The following NLRP3 variants were observed in gnomAD, a reference collection of about 807,000 sequenced individuals.
NLRP3 encodes the protein NLR family pyrin domain containing 3.
NLRP3 carries 48 observed loss-of-function variants against 91.3 expected under a neutral mutation model. The observed-to-expected ratio is 0.53, with a 90% confidence interval of 0.42 to 0.67. NLRP3 has a LOEUF of 0.67. NLRP3 is among the 30% of genes least tolerant of loss of function. NLRP3 has a pLI of 0.00. For synonymous variants in NLRP3, 561 were observed against 507.9 expected, an observed-to-expected ratio of 1.10 and a Z score of -1.41; for missense variants, 982 against 1,276.9, an observed-to-expected ratio of 0.77 and a Z score of 3.52.
chr1:247,446,711 G>A (rs1294204492), intron 9 of NLRP3, among the ~76,000 whole-genome samples: 1 of 152,122 alleles, frequency 6.6e-6, no homozygotes, highest in Non-Finnish European at 1.5e-5. Context: ...CTCCTCTGCA[G>A]TGTAGCACAT....
intron 5 of NLRP3, among the ~76,000 whole-genome samples, chr1:247,433,112 C>T (rs1049796311): frequency 1.3e-5 from 2 of 152,014 alleles, no homozygotes; most frequent in African/African-American, 4.8e-5. Flanking sequence ...GAGGCTGAGG[C>T]AGGTGGATCC....
At position 247,436,033 on chromosome 1, in the gene NLRP3, C is replaced by T. The variant is rs778453163; in HGVS notation, c.2556C>T (p.Ser852=). The change falls in exon 7 of 10, where the codon AGC becomes AGT. Residue 852 remains serine, a synonymous_variant. Coordinates refer to ENST00000336119, the MANE Select transcript of NLRP3 (RefSeq NM_001243133.2). ...CQDLASVLST[S]HSLTRLYVGE... ...ATCTTGCATCAGTATTGAGCACCAG[C>T]CATTCCCTGACCAGACTCTATGTGG... 17 of 1,613,992 alleles carry T rather than the reference C, an allele frequency of 1.1e-5. No individual in the cohort carries two copies. The highest frequency in any genetic ancestry group is 1.4e-5 in the Non-Finnish European group (17 of 1,180,018).
intron 4 of NLRP3, among the ~76,000 whole-genome samples, chr1:247,428,990 T>G (rs1199882358): frequency 6.6e-6 from 1 of 151,842 alleles, no homozygotes; most frequent in African/African-American, 2.4e-5. Context: ...CCTCCCAGGT[T>G]CAAGTGATTC....
chr1:247,423,249 T>C lies in NLRP3; in HGVS notation c.297T>C (p.Val99=), dbSNP rs769171826. Residue 99 remains valine (V), a synonymous_variant, in exon 3 of 10, where the codon GTT becomes GTC. Transcript: ENST00000336119. ...EPKWGSDNAR[V]SNPTVICQED... ...TTTTAGGTTCAGATAATGCACGTGT[T>C]TCGAATCCCACTGTGATATGCCAGG... 1.2e-6 allele frequency: 2 copies of C among 1,614,158 alleles called. No homozygotes were observed. The highest frequency in any genetic ancestry group is 3.3e-5 in the Admixed American group (2 of 60,030).
intron 7 of NLRP3, among the ~76,000 whole-genome samples, chr1:247,439,087 T>C (rs1664024953): frequency 8.9e-6 from 1 of 112,974 alleles, no homozygotes; most frequent in Non-Finnish European, 2.0e-5. Context: ...TATCAGAGCT[T>C]TGTGAACATA....
At chr1:247,436,238 G>A in intron 7 of NLRP3, 98 bp downstream of exon 7, 1 of 1,195,692 alleles carries the variant, frequency 8.4e-7, no homozygotes, top group African/African-American at 1.5e-5. Flanking sequence ...AGGCAGAGCT[G>A]AAGGTAGAGT....
chr1:247,448,715 G>C lies in NLRP3; in HGVS notation c.*211G>C, dbSNP rs941488820. ...AGGGTGAGGAAGACACCAGGACAAT[G>C]ACAGCATCGGGTGTTGTTGTCATCA... On this transcript the variant is annotated 3_prime_UTR_variant, in exon 10 of 10. Coordinates refer to ENST00000336119, the MANE Select transcript of NLRP3 (RefSeq NM_001243133.2). 4 of 611,192 alleles carry C rather than the reference G, an allele frequency of 6.5e-6. No individual in the cohort carries two copies. The highest frequency in any genetic ancestry group is 5.9e-6 in the Non-Finnish European group (2 of 338,304). The allele number at this position is 611,192 out of a possible 1,614,324, so 37.9% of individuals were successfully genotyped here. A position where few individuals can be genotyped will look rare whatever the true frequency, so the allele number is the denominator to read the frequency against.
In NLRP3 at chr1:247,447,974, T is replaced by C. The variant is rs114947442; in HGVS notation, c.3006-431T>C. ...GCTTAACATTTTCCCAACTAGATAG[T>C]TAAAAATATAACAGGAACCACATTG... On this transcript the variant is annotated intron_variant, in intron 9 of 9. Coordinates refer to ENST00000336119, the MANE Select transcript of NLRP3 (RefSeq NM_001243133.2). Among the ~76,000 whole-genome samples, 368 of 152,152 alleles carry C rather than the reference T, an allele frequency of 2.4e-3. 3 individuals carry two copies. The highest frequency in any genetic ancestry group is 8.5e-3 in the African/African-American group (352 of 41,510).
At position 247,424,934 on chromosome 1, in the gene NLRP3, G is replaced by T. The variant is rs373973057; in HGVS notation, c.1485G>T (p.Ala495=). ...SDLRNHGLQK[A]DVSAFLRMNL... is the part of the protein sequence containing the mutation. Reference sequence around the variant, plus strand: ...TCAGGAATCATGGACTGCAGAAGGCGGATGTGTCTGCTTTCCTGAGGATGA... The same window carrying T: ...TCAGGAATCATGGACTGCAGAAGGCTGATGTGTCTGCTTTCCTGAGGATGA... The change falls in exon 4 of 10, where the codon GCG becomes GCT. Residue 495 remains alanine, a synonymous_variant. Transcript: ENST00000336119. This position sits in a 1 kb window ranked among gnomAD's most constrained non-coding sequence, Gnocchi z 8.1. 6.2e-7 allele frequency: 1 copy of T among 1,613,584 alleles called. No homozygotes were observed. Among genetic ancestry groups the T allele is most frequent in the African/African-American group, 1.3e-5 (1 of 74,900 alleles).
rs140618467 is a variant in NLRP3, at chr1:247,436,087, C to T, written c.2610C>T (p.Val870=). Residue 870 remains valine, a synonymous_variant, in exon 7 of 10, where the codon GTC becomes GTT. Coordinates refer to ENST00000336119, the MANE Select transcript of NLRP3 (RefSeq NM_001243133.2). ...AGAATGCCTTGGGAGACTCAGGAGT[C>T]GCAATTTTATGTGAAAAAGCCAAGA... is the stretch of plus-strand genomic sequence containing the variant. ...VGENALGDSG[V]AILCEKAKNP... 3.0e-5 allele frequency: 49 copies of T among 1,613,954 alleles called. No homozygotes were observed. The highest frequency in any genetic ancestry group is 8.9e-5 in the East Asian group (4 of 44,888).
rs1662832462 is a variant in NLRP3 at position 247,425,789 on chromosome 1, T to G, written c.2150+190T>G. On this transcript the variant is annotated intron_variant, in intron 4 of 9. Transcript: ENST00000336119. This position sits in a 1 kb window ranked among gnomAD's most constrained non-coding sequence, Gnocchi z 4.1. ...ATGTATGGTAGGTGGATAAATGGGA[T>G]GAGGAAAAAAAAAATAAAACAAGGA... 11 of 615,412 alleles carry G rather than the reference T, an allele frequency of 1.8e-5. No individual in the cohort carries two copies. The highest frequency in any genetic ancestry group is 3.2e-5 in the Non-Finnish European group (11 of 349,098). The allele number at this position is 615,412 out of a possible 1,614,324, so 38.1% of individuals were successfully genotyped here. A position where few individuals can be genotyped will look rare whatever the true frequency, so the allele number is the denominator to read the frequency against.
At chr1:247,429,440 G>T in intron 4 of NLRP3, 145 bp from the exon 5 acceptor site, 1 of 856,974 alleles carries the variant, frequency 1.2e-6, no homozygotes. Flanking sequence ...TCATTTCTCT[G>T]GGAACAATTT....
intron 6 of NLRP3, 56 bp downstream of exon 6, chr1:247,434,329 C>G: frequency 6.3e-7 from 1 of 1,597,904 alleles, no homozygotes; most frequent in South Asian, 1.1e-5. Flanking sequence ...GCTGCGCACT[C>G]TGGCTTCAGT....
intron 8 of NLRP3, among the ~76,000 whole-genome samples, 179 bp downstream of exon 8, chr1:247,444,321 A>T (rs1181881001): frequency 6.6e-6 from 1 of 152,166 alleles, no homozygotes; most frequent in Non-Finnish European, 1.5e-5. Flanking sequence ...AGATGTAGGA[A>T]CTTGAGTCCT....
rs1662222061 is a variant in NLRP3 at position 247,418,682 on chromosome 1, A to G, written c.-119A>G. 1.6e-6 allele frequency: 2 copies of G among 1,237,442 alleles called. No individual in the cohort carries two copies. The highest frequency in any genetic ancestry group is 2.1e-5 in the Admixed American group (1 of 48,426). 76.7% of individuals were successfully genotyped at this position (1,237,442 alleles called of 1,614,324 possible). ...TTTCTTTCTGTTTGCTGAGTTTTTG[A>G]TAATTTATATCTCTCAAAGTGGAGA... On this transcript the variant is annotated 5_prime_UTR_variant, in exon 2 of 10. Coordinates refer to ENST00000336119, the MANE Select transcript of NLRP3 (RefSeq NM_001243133.2).
In NLRP3 at chr1:247,444,069, A is replaced by G. The variant is rs200089542; in HGVS notation, c.2761A>G (p.Thr921Ala). The stretch of plus-strand genomic sequence containing the variant: ...CACGCACCTTTACCTGCGAGGCAAC[A>G]CTCTCGGAGACAAGGGGATCAAACT... ...NLTHLYLRGN[T>A]LGDKGIKLLC... Residue 921 changes from threonine to alanine, a missense_variant, in exon 8 of 10, where the codon ACT becomes GCT. By Grantham distance (58) the Thr-to-Ala change is moderately conservative. This residue lies in a region of NLRP3 where 373 missense variants were observed against 431.5 expected (regional missense o/e 0.86). Transcript: ENST00000336119. 129 of 1,613,634 alleles carry G rather than the reference A, an allele frequency of 8.0e-5. No homozygotes were observed. Among genetic ancestry groups the G allele is most frequent in the Non-Finnish European group, 1.0e-4 (118 of 1,179,932 alleles).
In NLRP3 at chr1:247,425,849, T is replaced by G; in HGVS notation, c.2150+250T>G. The stretch of plus-strand genomic sequence containing the variant: ...TGGGGAATGCCAGTTTAGCACAAGG[T>G]ATTAAGTAGGATGTAGGATTGCCTA... On this transcript the variant is annotated intron_variant, in intron 4 of 9. Coordinates refer to ENST00000336119, the MANE Select transcript of NLRP3 (RefSeq NM_001243133.2). The surrounding 1 kb of genome is among the most constrained non-coding windows in gnomAD (Gnocchi z 4.1). 1.9e-6 allele frequency: 1 copy of G among 528,328 alleles called. No homozygotes were observed. The highest frequency in any genetic ancestry group is 3.4e-6 in the Non-Finnish European group (1 of 292,626). The allele number at this position is 528,328 out of a possible 1,614,324, so 32.7% of individuals were successfully genotyped here.
chr1:247,435,064 C>A (rs914249609), intron 6 of NLRP3, among the ~76,000 whole-genome samples: 1 of 152,020 alleles, frequency 6.6e-6, no homozygotes, highest in Non-Finnish European at 1.5e-5. Context: ...CTAGCCTGGC[C>A]ATCATAGTAA....
Position 247,443,998 on chromosome 1 carries a change from T to C in NLRP3, c.2690T>C (p.Val897Ala), listed in dbSNP as rs1664420042. 1 of 1,614,166 alleles carries C rather than the reference T, an allele frequency of 6.2e-7. No homozygotes were observed. The highest frequency in any genetic ancestry group is 8.5e-7 in the Non-Finnish European group (1 of 1,180,026). ...TTGGTGAATTCTGGCCTTACGTCAG[T>C]CTGTTGTTCAGCTTTGTCCTCGGTA... is the stretch of plus-strand genomic sequence containing the variant. ...LGLVNSGLTS[V>A]CCSALSSVLS... The change falls in exon 8 of 10, where the codon GTC becomes GCC. Residue 897 changes from valine to alanine, a missense_variant. This residue lies in a region of NLRP3 where 373 missense variants were observed against 431.5 expected (regional missense o/e 0.86). Coordinates refer to ENST00000336119, the MANE Select transcript of NLRP3 (RefSeq NM_001243133.2).
Sources: allele counts gnomAD v4.1 joint callset (sites outside exome capture counted in the v4.1 genomes callset), GRCh38; gene constraint gnomAD v4.1.1; regional missense constraint gnomAD v4.1.1; non-coding constraint Gnocchi (gnomAD v3.1); transcripts MANE v1.5; gene names NCBI Gene and HGNC (gene_info 2026-07-23, HGNC 2026-07-21).